TLN1: variants seen among roughly 807,000 people sequenced by gnomAD.
The protein encoded by TLN1 is talin 1.
A neutral mutation model predicts 292.3 loss-of-function variants in TLN1; 56 were observed. The ratio of observed to expected loss-of-function variants is 0.19; its 90% confidence interval spans 0.15 to 0.24. TLN1 has a LOEUF of 0.24. Among genes scored for constraint, TLN1 ranks in the 10% least tolerant of loss-of-function variants. The probability of loss-of-function intolerance (pLI) is 1.00; values close to 1 mark genes in which losing one functional copy is unlikely to be tolerated. For synonymous variants in TLN1, 1,119 were observed against 1,253.7 expected, an observed-to-expected ratio of 0.89 and a Z score of 2.27; for missense variants, 2,433 against 3,248.2, an observed-to-expected ratio of 0.75 and a Z score of 6.10.
intron 41 of TLN1, 33 bp from the exon 42 acceptor site, chr9:35,705,884 G>A: frequency 6.2e-7 from 1 of 1,614,122 alleles, no homozygotes; most frequent in Non-Finnish European, 8.5e-7. Context: ...GGGAAAGACT[G>A]TTAGGGTCTC....
intron 9 of TLN1, 69 bp from the exon 10 acceptor site, chr9:35,721,872 C>G: frequency 6.3e-7 from 1 of 1,579,722 alleles, no homozygotes; most frequent in Non-Finnish European, 8.7e-7. Flanking sequence ...ATCAGATCAG[C>G]TTGCAGCCAT....
chr9:35,728,875 C>T (rs779017863), intron 1 of TLN1, among the ~76,000 whole-genome samples: 10 of 152,060 alleles, frequency 6.6e-5, no homozygotes, highest in Non-Finnish European at 1.0e-4. Context: ...GGCTCCCAGT[C>T]CACGAGATGA....
In TLN1 at chr9:35,707,277, G is replaced by GT. The variant is rs764563217; in HGVS notation, c.4774-25dup. ...CCCTGGGGAGAGGGGAGGCAGGAAG[G>GT]TAAGTCTCAGGAGTCCCTGGAAGAT... On this transcript the variant is annotated intron_variant, in intron 36 of 56. Coordinates refer to ENST00000314888, the MANE Select transcript of TLN1 (RefSeq NM_006289.4). The surrounding 1 kb of genome is among the most constrained non-coding windows in gnomAD (Gnocchi z 5.6). 1 of 1,604,174 alleles carries GT rather than the reference G, an allele frequency of 6.2e-7. No individual in the cohort carries two copies. Among genetic ancestry groups the GT allele is most frequent in the African/African-American group, 1.3e-5 (1 of 74,708 alleles).
At chr9:35,721,085 A>T (rs1219847995) in intron 10 of TLN1, among the ~76,000 whole-genome samples, 172 bp from the exon 11 acceptor site, 1 of 152,016 alleles carries the variant, frequency 6.6e-6, no homozygotes, top group Non-Finnish European at 1.5e-5. Context: ...TTGGAGGGAA[A>T]TTTTTTACTT....
Position 35,724,400 on chromosome 9 carries a change from A to G in TLN1, c.512-66T>C. ...CCCCTGTGCTGTCTGGTCTCTGTTT[A>G]TTTCTGCATTTCCTACCTCCCCTCA... On this transcript the variant is annotated intron_variant, in intron 5 of 56. Coordinates refer to ENST00000314888, the MANE Select transcript of TLN1 (RefSeq NM_006289.4). The surrounding 1 kb of genome is among the most constrained non-coding windows in gnomAD (Gnocchi z 4.7). 6.3e-7 allele frequency: 1 copy of G among 1,599,290 alleles called. No individual in the cohort carries two copies. Among genetic ancestry groups the G allele is most frequent in the South Asian group, 1.1e-5 (1 of 90,512 alleles).
Position 35,717,135 on chromosome 9 carries a change from G to A in TLN1, c.2458+11C>T, listed in dbSNP as rs1199667016. 2.5e-6 allele frequency: 4 copies of A among 1,586,628 alleles called. No individual in the cohort carries two copies. Among genetic ancestry groups the A allele is most frequent in the East Asian group, 2.3e-5 (1 of 44,252 alleles). On this transcript the variant is annotated intron_variant, in intron 19 of 56. Transcript: ENST00000314888. This position sits in a 1 kb window ranked among gnomAD's most constrained non-coding sequence, Gnocchi z 4.7. ...TAGGGTTTTTTGTTTTCCTGGGGGTGCGTGTCTTACCAGCATCACCCATGG... is the reference window on the plus strand; with the variant it reads ...TAGGGTTTTTTGTTTTCCTGGGGGTACGTGTCTTACCAGCATCACCCATGG...
chr9:35,724,524 T>C lies in TLN1; in HGVS notation c.511+48A>G. On this transcript the variant is annotated intron_variant, in intron 5 of 56. Transcript: ENST00000314888. The surrounding 1 kb of genome is among the most constrained non-coding windows in gnomAD (Gnocchi z 4.7). ...GGCAGAAGCAGATGCTGAAGCCCCTTCCCACCCTTCCCATTTCAAAAGCCC... is the reference window on the plus strand; with the variant it reads ...GGCAGAAGCAGATGCTGAAGCCCCTCCCCACCCTTCCCATTTCAAAAGCCC... 1 of 1,595,810 alleles carries C rather than the reference T, an allele frequency of 6.3e-7. No individual in the cohort carries two copies. Among genetic ancestry groups the C allele is most frequent in the East Asian group, 2.2e-5 (1 of 44,676 alleles).
chr9:35,721,930 A>G, intron 9 of TLN1, 127 bp from the exon 10 acceptor site: 1 of 1,309,548 alleles, frequency 7.6e-7, no homozygotes, highest in Non-Finnish European at 1.1e-6. Flanking sequence ...GGGAAAATGC[A>G]GGGTAGGGAG....
rs56221655 is a variant in TLN1, at chr9:35,707,680, G to A, written c.4632+51C>T. 0.05 allele frequency: 80,565 copies of A among 1,610,556 alleles called. 2,321 individuals carry two copies. The highest frequency in any genetic ancestry group is 0.059 in the Non-Finnish European group (69,905 of 1,177,192). On this transcript the variant is annotated intron_variant, in intron 35 of 56. Coordinates refer to ENST00000314888, the MANE Select transcript of TLN1 (RefSeq NM_006289.4). This position sits in a 1 kb window ranked among gnomAD's most constrained non-coding sequence, Gnocchi z 5.6. ...TCAGAGAATAACTGGGGGACTCGGG[G>A]GAGAAGATAGGACAGGTCAGGGAGA...
At position 35,700,305 on chromosome 9, in the gene TLN1, G is replaced by A. The variant is rs1194331748; in HGVS notation, c.6546C>T (p.Ile2182=). 2 of 1,613,488 alleles carry A rather than the reference G, an allele frequency of 1.2e-6. No individual in the cohort carries two copies. The highest frequency in any genetic ancestry group is 1.7e-6 in the Non-Finnish European group (2 of 1,179,460). Residue 2182 remains isoleucine (I), a synonymous_variant, in exon 49 of 57, where the codon ATC becomes ATT. Coordinates refer to ENST00000314888, the MANE Select transcript of TLN1 (RefSeq NM_006289.4). ...PEDFIRMTKG[I]TMATAKAVAA... The stretch of plus-strand genomic sequence containing the variant: ...CAACGGCCTTGGCGGTTGCCATGGT[G>A]ATACCCTTGGTCATTCGGATGAAGT...
At chr9:35,718,426 T>G (rs1825823130) in intron 17 of TLN1, among the ~76,000 whole-genome samples, 1 of 150,882 alleles carries the variant, frequency 6.6e-6, no homozygotes, top group African/African-American at 2.4e-5. Flanking sequence ...AAATCCAGGG[T>G]GAAAAGTCAG....
chr9:35,704,901 G>A lies in TLN1; in HGVS notation c.5734-86C>T. 5 of 1,435,470 alleles carry A rather than the reference G, an allele frequency of 3.5e-6. No homozygotes were observed. Among genetic ancestry groups the A allele is most frequent in the Admixed American group, 4.4e-5 (2 of 45,016 alleles). The allele number at this position is 1,435,470 out of a possible 1,614,324, so 88.9% of individuals were successfully genotyped here. On this transcript the variant is annotated intron_variant, in intron 43 of 56. Transcript: ENST00000314888. This position sits in a 1 kb window ranked among gnomAD's most constrained non-coding sequence, Gnocchi z 6.9. ...GCTTGGAAAAGTCACTAAGGACATA[G>A]AAAAAAACATGCATTGTAGACTAAA...
Position 35,699,415 on chromosome 9 carries a change from T to A in TLN1, c.6815A>T (p.His2272Leu). Reference sequence around the variant, plus strand: ...GACGGAACCAGCCACACGCTTTGAATGTCCTGTCAACTGCTGCTTCAGTTC... The same window carrying A: ...GACGGAACCAGCCACACGCTTTGAAAGTCCTGTCAACTGCTGCTTCAGTTC... Reference protein sequence around the residue: ...SPELKQQLTGHSKRVAGSVTE... With the variant: ...SPELKQQLTGLSKRVAGSVTE... The change falls in exon 51 of 57, where the codon CAT becomes CTT. Residue 2272 changes from histidine (H) to leucine (L), a missense_variant. Coordinates refer to ENST00000314888, the MANE Select transcript of TLN1 (RefSeq NM_006289.4). The surrounding 1 kb of genome is among the most constrained non-coding windows in gnomAD (Gnocchi z 4.0). The A allele has an allele frequency of 1.2e-6, 2 of 1,614,100 alleles. No individual in the cohort carries two copies. The highest frequency in any genetic ancestry group is 2.7e-5 in the African/African-American group (2 of 75,058).
chr9:35,718,065 G>A (rs921838834), intron 17 of TLN1, among the ~76,000 whole-genome samples: 1 of 152,190 alleles, frequency 6.6e-6, no homozygotes, highest in Non-Finnish European at 1.5e-5. Context: ...ATGTGGTGGC[G>A]CTGTTACAAT....
At position 35,717,101 on chromosome 9, in the gene TLN1, G is replaced by A. The variant is rs759518419; in HGVS notation, c.2458+45C>T. The A allele has an allele frequency of 7.4e-5, 115 of 1,551,914 alleles. No homozygotes were observed. Among genetic ancestry groups the A allele is most frequent in the Non-Finnish European group, 9.5e-5 (109 of 1,145,314 alleles). ...GGGGATGATGTCCAGTGGGCTTAGG[G>A]AACCCTGGTAGGGTTTTTTGTTTTC... On this transcript the variant is annotated intron_variant, in intron 19 of 56. Coordinates refer to ENST00000314888, the MANE Select transcript of TLN1 (RefSeq NM_006289.4). The surrounding 1 kb of genome is among the most constrained non-coding windows in gnomAD (Gnocchi z 4.7).
rs369722795 is a variant in TLN1 at position 35,706,238 on chromosome 9, C to G, written c.5319G>C (p.Leu1773=). Residue 1773 remains leucine, a synonymous_variant, in exon 40 of 57, where the codon CTG becomes CTC. Transcript: ENST00000314888. The surrounding 1 kb of genome is among the most constrained non-coding windows in gnomAD (Gnocchi z 4.2). ...DQTKTLAESA[L]QLLYTAKEAG... is the part of the protein sequence containing the mutation. ...CCTCCTTGGCAGTGTATAGCAACTG[C>G]AGGGCAGACTCTGCCAATGTTTTAG... 2.5e-6 allele frequency: 4 copies of G among 1,611,792 alleles called. No homozygotes were observed. In the African/African-American group the frequency reaches 5.3e-5, roughly 22 times the overall value.
rs1356208811 is a variant in TLN1, at chr9:35,714,013, A to C, written c.3189T>G (p.Asp1063Glu). The C allele has an allele frequency of 6.2e-7, 1 of 1,614,068 alleles. No individual in the cohort carries two copies. The highest frequency in any genetic ancestry group is 8.5e-7 in the Non-Finnish European group (1 of 1,180,012). ...GAGCTGCTGCCTTCACTTCCTGTAG[A>C]TCTTTCTCTAGATTCTGTACCACAC... ...ALSVVQNLEK[D>E]LQEVKAAARD... is the part of the protein sequence containing the mutation. The change falls in exon 25 of 57, where the codon GAT becomes GAG. Residue 1063 changes from aspartate (D) to glutamate (E), a missense_variant. Around this residue, in one of 7 missense-constraint regions of TLN1, gnomAD observed 1,384 missense variants for 1,699.6 expected, o/e 0.81. Transcript: ENST00000314888. This position sits in a 1 kb window ranked among gnomAD's most constrained non-coding sequence, Gnocchi z 4.6.
chr9:35,714,098 G>T lies in TLN1; in HGVS notation c.3121-17C>A. 6.2e-7 allele frequency: 1 copy of T among 1,613,494 alleles called. No homozygotes were observed. The highest frequency in any genetic ancestry group is 8.5e-7 in the Non-Finnish European group (1 of 1,179,408). On this transcript the variant is annotated splice_polypyrimidine_tract_variant and intron_variant, in intron 24 of 56. Transcript: ENST00000314888. The surrounding 1 kb of genome is among the most constrained non-coding windows in gnomAD (Gnocchi z 4.6). ...TTCCTGAGCCTATGATAAGAAAGGGGTTTTGGGTGTAGAAGGTCCTGCTGT... is the reference window on the plus strand; with the variant it reads ...TTCCTGAGCCTATGATAAGAAAGGGTTTTTGGGTGTAGAAGGTCCTGCTGT...
At position 35,704,479 on chromosome 9, in the gene TLN1, G is replaced by A. The variant is rs1825527210; in HGVS notation, c.5900C>T (p.Ala1967Val). The A allele has an allele frequency of 1.2e-6, 2 of 1,611,438 alleles. No individual in the cohort carries two copies. The highest frequency in any genetic ancestry group is 1.7e-6 in the Non-Finnish European group (2 of 1,178,416). The change falls in exon 45 of 57, where the codon GCG (alanine) becomes GTG (valine). Residue 1967 changes from alanine to valine, a missense_variant. By Grantham distance (64) the Ala-to-Val change is moderately conservative (BLOSUM62 0). Around this residue, in one of 7 missense-constraint regions of TLN1, gnomAD observed 1,384 missense variants for 1,699.6 expected, o/e 0.81. Coordinates refer to ENST00000314888, the MANE Select transcript of TLN1 (RefSeq NM_006289.4). The surrounding 1 kb of genome is among the most constrained non-coding windows in gnomAD (Gnocchi z 6.9). ...VSEKVSHVLAALQAGNRGTQA... is the reference protein window; with the variant it reads ...VSEKVSHVLAVLQAGNRGTQA... ...GGTGCCACGATTCCCAGCCTGGAGCGCAGCCAGGACGTGGGAGACCTGGGT... is the reference window on the plus strand; with the variant it reads ...GGTGCCACGATTCCCAGCCTGGAGCACAGCCAGGACGTGGGAGACCTGGGT...
Sources: allele counts gnomAD v4.1 joint callset (sites outside exome capture counted in the v4.1 genomes callset), GRCh38; gene constraint gnomAD v4.1.1; regional missense constraint gnomAD v4.1.1; non-coding constraint Gnocchi (gnomAD v3.1); transcripts MANE v1.5; gene names NCBI Gene and HGNC (gene_info 2026-07-23, HGNC 2026-07-21).